Variants in APP observed in about 807,000 individuals in gnomAD.
The protein encoded by APP is amyloid beta precursor protein.
APP carries 31 observed loss-of-function variants against 101.4 expected under a neutral mutation model. That is an observed-to-expected ratio of 0.31 (90% CI 0.23 to 0.41). The LOEUF (loss-of-function observed/expected upper bound fraction) is 0.41. Among genes scored for constraint, APP ranks in the 10% least tolerant of loss-of-function variants. The probability of loss-of-function intolerance (pLI) is 1.00; values close to 1 mark genes in which losing one functional copy is unlikely to be tolerated. For missense variants in APP, 839 were observed against 1,003.7 expected, an observed-to-expected ratio of 0.84 and a Z score of 2.22; for synonymous variants, 366 against 364.4, an observed-to-expected ratio of 1.00 and a Z score of -0.05.
intron 6 of APP, among the ~76,000 whole-genome samples, chr21:26,005,413 C>CA (rs1023117922): frequency 1.3e-5 from 2 of 151,100 alleles, no homozygotes; most frequent in Admixed American, 6.6e-5. Flanking sequence ...GACTTGGTGT[C>CA]AAAAAAAGAA....
rs562614349 is a variant in APP, at chr21:25,958,443, AT to A, written c.1459-2689del. 4.6e-5 allele frequency among the ~76,000 whole-genome samples: 7 copies of A among 152,076 alleles called. No homozygotes were observed. The East Asian group carries it at 5.8e-4, about 13-fold the overall frequency. ...AGGCACGTGCCACCATGCTCAGCTA[AT>A]TTTTTTGTATTTTTAGTAGAGACGG... is the stretch of plus-strand genomic sequence containing the variant. On this transcript the variant is annotated intron_variant, in intron 11 of 17. Coordinates refer to ENST00000346798, the MANE Select transcript of APP (RefSeq NM_000484.4).
At chr21:26,024,072 T>C (rs919516836) in intron 5 of APP, among the ~76,000 whole-genome samples, 2 of 152,192 alleles carry the variant, frequency 1.3e-5, no homozygotes, top group Non-Finnish European at 2.9e-5. Flanking sequence ...ATCATGTACC[T>C]GTCAAGGCAG....
At chr21:26,006,978 T>C (rs192090991) in intron 6 of APP, among the ~76,000 whole-genome samples, 1 of 152,312 alleles carries the variant, frequency 6.6e-6, no homozygotes, top group East Asian at 1.9e-4. Context: ...CCATGTGATG[T>C]ATAAATTTTA....
chr21:26,082,237 A>T (rs1171517296), intron 3 of APP, among the ~76,000 whole-genome samples: 1 of 152,038 alleles, frequency 6.6e-6, no homozygotes, highest in Non-Finnish European at 1.5e-5. Context: ...AATAAAATAA[A>T]TAAATAAATA....
At chr21:26,081,446 A>G (rs774082618) in intron 3 of APP, among the ~76,000 whole-genome samples, 13 of 152,198 alleles carry the variant, frequency 8.5e-5, no homozygotes, top group Admixed American at 6.5e-5. Flanking sequence ...TTTTTGAGCC[A>G]GGATGAGCCA....
intron 15 of APP, among the ~76,000 whole-genome samples, chr21:25,900,816 C>T (rs1229944853): frequency 1.3e-5 from 2 of 150,156 alleles, no homozygotes; most frequent in East Asian, 2.0e-4. Flanking sequence ...GGTGAAACCC[C>T]GTCTCTACTA....
intron 1 of APP, among the ~76,000 whole-genome samples, chr21:26,136,207 A>AAAGAAAGG (rs1273283293): frequency 7.3e-6 from 1 of 137,416 alleles, no homozygotes; most frequent in South Asian, 2.3e-4. Flanking sequence ...GAAAGAAAAG[A>AAAGAAAGG]AAAGAAAGAA....
At chr21:25,973,311 A>G (rs993747320) in intron 11 of APP, among the ~76,000 whole-genome samples, 1 of 152,214 alleles carries the variant, frequency 6.6e-6, no homozygotes, top group African/African-American at 2.4e-5. Context: ...GCAAGACCCA[A>G]TTACATGCTG....
chr21:26,020,102 A>T (rs561083975), intron 6 of APP, among the ~76,000 whole-genome samples: 169 of 152,344 alleles, frequency 1.1e-3, no homozygotes, highest in African/African-American at 2.9e-3. Flanking sequence ...TTAATTCAGA[A>T]TAATCTCAAT....
At chr21:25,982,231 T>C in intron 9 of APP, 113 bp downstream of exon 9, 1 of 1,233,332 alleles carries the variant, frequency 8.1e-7, no homozygotes, top group Non-Finnish European at 1.2e-6. Flanking sequence ...AAATTAGAAC[T>C]TTACATCTTT....
At chr21:25,885,854 G>C (rs1053079820) in intron 17 of APP, among the ~76,000 whole-genome samples, 1 of 152,114 alleles carries the variant, frequency 6.6e-6, no homozygotes, top group African/African-American at 2.4e-5. Flanking sequence ...GAGTAATTTA[G>C]AGCTCAGCTA....
At chr21:25,915,016 C>T (rs2146331673) in intron 13 of APP, among the ~76,000 whole-genome samples, 1 of 152,356 alleles carries the variant, frequency 6.6e-6, no homozygotes, top group Non-Finnish European at 1.5e-5. Flanking sequence ...TCCTGACACA[C>T]AAGAATGGCT....
intron 13 of APP, among the ~76,000 whole-genome samples, chr21:25,928,564 TAA>T (rs1274004276): frequency 6.6e-6 from 1 of 152,158 alleles, no homozygotes; most frequent in African/African-American, 2.4e-5. Flanking sequence ...AGAACTTTTC[TAA>T]GTCTCCAATT....
chr21:26,169,690 G>C (rs1048371054), intron 1 of APP, among the ~76,000 whole-genome samples: 2 of 152,254 alleles, frequency 1.3e-5, no homozygotes, highest in Non-Finnish European at 2.9e-5. Flanking sequence ...AGCCGGGCGG[G>C]AGCCTCGGTG....
intron 5 of APP, among the ~76,000 whole-genome samples, chr21:26,033,303 T>C (rs1047161222): frequency 6.6e-6 from 1 of 152,192 alleles, no homozygotes; most frequent in African/African-American, 2.4e-5. Context: ...TAAGGGGCTG[T>C]TCCCACTCTG....
intron 3 of APP, among the ~76,000 whole-genome samples, chr21:26,087,779 G>A (rs1338464816): frequency 6.6e-6 from 1 of 152,142 alleles, no homozygotes; most frequent in African/African-American, 2.4e-5. Flanking sequence ...TATCAAACAG[G>A]TATTTGGTAG....
intron 1 of APP, chr21:26,169,182 CGA>C (rs1218891683): frequency 1.3e-5 from 2 of 152,208 alleles, no homozygotes; most frequent in Non-Finnish European, 2.9e-5. Flanking sequence ...GCTGAATGTT[CGA>C]GAGTTGGATG....
At chr21:26,169,602 G>C (rs1295901519) in intron 1 of APP, among the ~76,000 whole-genome samples, 1 of 152,258 alleles carries the variant, frequency 6.6e-6, no homozygotes, top group Non-Finnish European at 1.5e-5. Flanking sequence ...GTGGGAAGCA[G>C]AGGGGCCCCG....
intron 8 of APP, among the ~76,000 whole-genome samples, chr21:25,983,749 G>A (rs1284401793): frequency 3.9e-5 from 6 of 152,176 alleles, no homozygotes; most frequent in Non-Finnish European, 7.3e-5. Context: ...GCTTTCAAGT[G>A]GAAGGAAGGA....
Sources: allele counts gnomAD v4.1 joint callset (sites outside exome capture counted in the v4.1 genomes callset), GRCh38; gene constraint gnomAD v4.1.1; transcripts MANE v1.5; gene names NCBI Gene and HGNC (gene_info 2026-07-23, HGNC 2026-07-21).